Variants in CLRN1 observed in about 807,000 individuals in gnomAD.
CLRN1 encodes clarin 1, also known as clarin-1.
CLRN1 carries 15 observed loss-of-function variants against 18.7 expected under a neutral mutation model. The observed-to-expected ratio is 0.80, with a 90% CI of 0.54 to 1.23. The LOEUF is 1.23. Ranked by LOEUF, CLRN1 falls within the 50% of genes most tolerant of loss-of-function variation. The pLI, the probability that CLRN1 is intolerant of heterozygous loss-of-function variation, is 0.00. For synonymous variants in CLRN1, 104 were observed against 102.9 expected (o/e 1.01, Z -0.07); for missense variants, 311 against 277.5 (o/e 1.12, Z -0.86).
At chr3:150,948,790 C>G (rs1714327166) in intron 1 of CLRN1, among the ~76,000 whole-genome samples, 1 of 152,142 alleles carries the variant, frequency 6.6e-6, no homozygotes, top group Non-Finnish European at 1.5e-5. Flanking sequence ...TAAAGAAGAG[C>G]TGGTACCATT....
chr3:150,972,629 G>C lies in CLRN1; in HGVS notation c.80C>G (p.Ala27Gly), dbSNP rs1318514280. The C allele has an allele frequency of 2.5e-6, 4 of 1,614,180 alleles. No individual in the cohort carries two copies. Among genetic ancestry groups the C allele is most frequent in the Non-Finnish European group, 3.4e-6 (4 of 1,180,038 alleles). ...SFACALGVVTALGTPLWIKAT... is the reference protein window; with the variant it reads ...SFACALGVVTGLGTPLWIKAT... ...TTTGATCCACAACGGTGTCCCCAAG[G>C]CTGTCACAACTCCGAGGGCACATGC... The change falls in exon 1 of 3, where the codon GCC becomes GGC. Residue 27 changes from alanine (A) to glycine (G), a missense_variant. Coordinates refer to ENST00000327047, the MANE Select transcript of CLRN1 (RefSeq NM_174878.3).
Position 150,926,755 on chromosome 3 carries a change from A to C in CLRN1, c.*1181T>G. 6.2e-7 allele frequency: 1 copy of C among 1,603,908 alleles called. No individual in the cohort carries two copies. The highest frequency in any genetic ancestry group is 1.1e-5 in the South Asian group (1 of 90,806). On this transcript the variant is annotated 3_prime_UTR_variant, in exon 3 of 3. Coordinates refer to ENST00000327047, the MANE Select transcript of CLRN1 (RefSeq NM_174878.3). The stretch of plus-strand genomic sequence containing the variant: ...TGCTGAGTACTCAGCACCTGTGGTC[A>C]GAGGCCTAGTGATCTGTTTGCTGTC...
chr3:150,966,858 G>T (rs1464843130), intron 1 of CLRN1, among the ~76,000 whole-genome samples: 1 of 152,190 alleles, frequency 6.6e-6, no homozygotes, highest in Admixed American at 6.5e-5. Flanking sequence ...ATGTGACTAA[G>T]ATTAGAAGGG....
chr3:150,929,693 T>C (rs1207639820), intron 2 of CLRN1, among the ~76,000 whole-genome samples: 2 of 152,248 alleles, frequency 1.3e-5, no homozygotes, highest in African/African-American at 4.8e-5. Context: ...CAAGTCCTTA[T>C]CATAATAGCT....
intron 1 of CLRN1, among the ~76,000 whole-genome samples, chr3:150,953,279 C>G (rs1251871723): frequency 1.3e-5 from 2 of 152,196 alleles, no homozygotes; most frequent in African/African-American, 4.8e-5. Context: ...TTTATTACAA[C>G]ACACAGCCGA....
intron 1 of CLRN1, among the ~76,000 whole-genome samples, chr3:150,946,887 T>A (rs1714205490): frequency 8.1e-6 from 1 of 122,830 alleles, no homozygotes; most frequent in Admixed American, 8.5e-5. Context: ...CCCAATGCTA[T>A]CCCTCCCCCC....
At chr3:150,926,537 G>C (rs971252691), downstream of CLRN1, 1 of 519,612 alleles carries the variant, frequency 1.9e-6, no homozygotes, top group South Asian at 2.0e-5. Flanking sequence ...AAATTGTCCA[G>C]GTGTATTTCC....
chr3:150,951,288 A>G (rs1276567337), intron 1 of CLRN1, among the ~76,000 whole-genome samples: 2 of 152,082 alleles, frequency 1.3e-5, no homozygotes, highest in African/African-American at 4.8e-5. Flanking sequence ...CTTCAGCTAT[A>G]TTAGTCCATT....
At chr3:150,951,971 G>C (rs1559987672) in intron 1 of CLRN1, among the ~76,000 whole-genome samples, 1 of 152,172 alleles carries the variant, frequency 6.6e-6, no homozygotes, top group Non-Finnish European at 1.5e-5. Flanking sequence ...TTCGACATGA[G>C]ATTTGGGCAG....
At position 150,927,649 on chromosome 3, in the gene CLRN1, C is replaced by G; in HGVS notation, c.*287G>C. On this transcript the variant is annotated 3_prime_UTR_variant, in exon 3 of 3. Coordinates refer to ENST00000327047, the MANE Select transcript of CLRN1 (RefSeq NM_174878.3). ...GACATCTTACACACACACACACACACACACACACACATATATATATATGGA... is the reference window on the plus strand; with the variant it reads ...GACATCTTACACACACACACACACAGACACACACACATATATATATATGGA... 1 of 564,798 alleles carries G rather than the reference C, an allele frequency of 1.8e-6. No homozygotes were observed. Among genetic ancestry groups the G allele is most frequent in the Non-Finnish European group, 3.3e-6 (1 of 300,160 alleles). 35.0% of individuals were successfully genotyped at this position (564,798 alleles called of 1,614,324 possible). A position where few individuals can be genotyped will look rare whatever the true frequency, so the allele number is the denominator to read the frequency against.
intron 1 of CLRN1, 53 bp from the exon 2 acceptor site, chr3:150,941,814 C>A (rs1475234851): frequency 6.8e-7 from 1 of 1,470,210 alleles, no homozygotes; most frequent in Non-Finnish European, 9.5e-7. Context: ...CAGTAGTCTG[C>A]AAGTATAATT....
chr3:150,932,418 G>A (rs1713207554), intron 2 of CLRN1, among the ~76,000 whole-genome samples: 1 of 152,138 alleles, frequency 6.6e-6, no homozygotes, highest in Non-Finnish European at 1.5e-5. Context: ...GAAATGTTAT[G>A]AAATGTTATC....
chr3:150,957,814 G>A (rs776102327), intron 1 of CLRN1, among the ~76,000 whole-genome samples: 4 of 152,050 alleles, frequency 2.6e-5, no homozygotes, highest in Non-Finnish European at 2.9e-5. Context: ...GTGCCACCAC[G>A]CCCGGCTAAT....
chr3:150,950,967 A>T (rs1396572068), intron 1 of CLRN1, among the ~76,000 whole-genome samples: 3 of 152,248 alleles, frequency 2.0e-5, no homozygotes, highest in Admixed American at 6.5e-5. Context: ...CAGCAATAAA[A>T]ATGAATGAGA....
chr3:150,942,913 T>C (rs1033613093), intron 1 of CLRN1, among the ~76,000 whole-genome samples: 2 of 152,124 alleles, frequency 1.3e-5, no homozygotes, highest in African/African-American at 4.8e-5. Flanking sequence ...TTTTGGAAGC[T>C]TGAGTTGCCA....
intron 1 of CLRN1, among the ~76,000 whole-genome samples, chr3:150,957,197 T>A (rs972291758): frequency 2.0e-5 from 3 of 152,048 alleles, no homozygotes; most frequent in African/African-American, 7.2e-5. Context: ...TACTGCTCTA[T>A]CTTCTTAGTA....
chr3:150,927,847 G>T lies in CLRN1; in HGVS notation c.*89C>A. On this transcript the variant is annotated 3_prime_UTR_variant, in exon 3 of 3. Transcript: ENST00000327047. ...GAAGGGTCCTGATGCTTTAATATATGCAGACTAAAAGGATATGCAAAATTA... is the reference window on the plus strand; with the variant it reads ...GAAGGGTCCTGATGCTTTAATATATTCAGACTAAAAGGATATGCAAAATTA... The T allele has an allele frequency of 1.4e-6, 2 of 1,453,556 alleles. No individual in the cohort carries two copies. Among genetic ancestry groups the T allele is most frequent in the Non-Finnish European group, 1.9e-6 (2 of 1,037,308 alleles). 90.0% of individuals were successfully genotyped at this position (1,453,556 alleles called of 1,614,324 possible). A position where few individuals can be genotyped will look rare whatever the true frequency, so the allele number is the denominator to read the frequency against.
At chr3:150,959,105 C>G (rs1289971722) in intron 1 of CLRN1, among the ~76,000 whole-genome samples, 1 of 152,200 alleles carries the variant, frequency 6.6e-6, no homozygotes, top group Non-Finnish European at 1.5e-5. Flanking sequence ...GAATGATATG[C>G]TAGCATAGCT....
chr3:150,968,548 T>C (rs1225747721), intron 1 of CLRN1, among the ~76,000 whole-genome samples: 1 of 152,152 alleles, frequency 6.6e-6, no homozygotes, highest in Non-Finnish European at 1.5e-5. Context: ...TTGTTATAAT[T>C]AAAAGAGATA....
Sources: gnomAD v4.1 joint callset for allele counts (sites outside exome capture counted in the v4.1 genomes callset) on GRCh38, gnomAD v4.1.1 for gene constraint, MANE v1.5 for transcripts, NCBI Gene and HGNC (gene_info 2026-07-23, HGNC 2026-07-21) for gene names.